Variants in DOCK2 observed in about 807,000 individuals in gnomAD.
DOCK2 encodes the protein dedicator of cytokinesis 2.
Under a neutral mutation model 248.9 loss-of-function variants are expected in DOCK2, and 87 were observed. The ratio of observed to expected loss-of-function variants is 0.35; its 90% CI spans 0.29 to 0.42. The LOEUF (loss-of-function observed/expected upper bound fraction) is 0.42. Ranked by LOEUF, DOCK2 falls within the 10% of genes least tolerant of loss-of-function variation. The pLI, the probability that DOCK2 is intolerant of heterozygous loss-of-function variation, is 1.00. For synonymous variants in DOCK2, 805 were observed against 821.6 expected (o/e 0.98, Z 0.35); for missense variants, 1,747 against 2,300.2 (o/e 0.76, Z 4.92).
At chr5:170,057,806 G>GGCA in intron 44 of DOCK2, 140 bp downstream of exon 44, 1 of 722,522 alleles carries the variant, frequency 1.4e-6, no homozygotes, top group Non-Finnish European at 2.2e-6. Context: ...TTCCCATGCA[G>GGCA]GCAGCATTCA....
intron 26 of DOCK2, among the ~76,000 whole-genome samples, chr5:169,823,248 G>C (rs941517538): frequency 2.6e-5 from 4 of 152,158 alleles, no homozygotes; most frequent in African/African-American, 9.7e-5. Context: ...GAAAAAGAGA[G>C]AATCCTCCCT....
chr5:169,867,397 G>A (rs1389187300), intron 27 of DOCK2, among the ~76,000 whole-genome samples: 1 of 150,660 alleles, frequency 6.6e-6, no homozygotes, highest in Non-Finnish European at 1.5e-5. Context: ...GGAACCATGG[G>A]TGAAAACCTC....
intron 27 of DOCK2, among the ~76,000 whole-genome samples, chr5:169,908,380 T>C (rs1774407075): frequency 6.6e-6 from 1 of 152,162 alleles, no homozygotes; most frequent in African/African-American, 2.4e-5. Context: ...GGCATACTCA[T>C]ACATGCTCTA....
Position 169,918,934 on chromosome 5 carries a change from G to T in DOCK2, c.2800-64134G>T, listed in dbSNP as rs138245312. ...CAAAAAAATACAAACTAATTTAAAAGATATTTTAGGGGCCAGATATATGAG... is the reference window on the plus strand; with the variant it reads ...CAAAAAAATACAAACTAATTTAAAATATATTTTAGGGGCCAGATATATGAG... On this transcript the variant is annotated intron_variant, in intron 27 of 51. Transcript: ENST00000520908. 3.2e-3 allele frequency among the ~76,000 whole-genome samples: 494 copies of T among 152,152 alleles called. 3 individuals carry two copies. Among genetic ancestry groups the T allele is most frequent in the African/African-American group, 0.011 (470 of 41,498 alleles).
intron 27 of DOCK2, among the ~76,000 whole-genome samples, chr5:169,863,607 G>A (rs561362952): frequency 2.4e-4 from 36 of 152,318 alleles, no homozygotes; most frequent in African/African-American, 8.7e-4. Flanking sequence ...ACACCAACAA[G>A]TTTATACCCT....
At chr5:169,689,483 A>C (rs1266459418) in intron 9 of DOCK2, 150 bp downstream of exon 9, 1 of 776,386 alleles carries the variant, frequency 1.3e-6, no homozygotes, top group Non-Finnish European at 2.1e-6. Flanking sequence ...CTGACAAAGG[A>C]CATTGTGTGC....
At chr5:169,917,637 G>C (rs1050422546) in intron 27 of DOCK2, among the ~76,000 whole-genome samples, 5 of 152,162 alleles carry the variant, frequency 3.3e-5, no homozygotes, top group African/African-American at 1.2e-4. Context: ...CGAAACACTA[G>C]AAAGTCCCAA....
chr5:169,801,148 T>G lies in DOCK2; in HGVS notation c.2555-1910T>G, dbSNP rs1766957011. Among the ~76,000 whole-genome samples the G allele has an allele frequency of 1.5e-3, 7 of 4,532 alleles. 1 individual carries two copies. Among genetic ancestry groups the G allele is most frequent in the Non-Finnish European group, 1.7e-3 (4 of 2,288 alleles). The allele number at this position is 4,532 out of a possible 152,430, so 3.0% of individuals were successfully genotyped here. On this transcript the variant is annotated intron_variant, in intron 25 of 51. Transcript: ENST00000520908. ...CCACCATGCCCAGATAGTTTTGGGT[T>G]TTTTTTTTTTTTTTTTTTTTTTTTT... is the stretch of plus-strand genomic sequence containing the variant.
intron 30 of DOCK2, among the ~76,000 whole-genome samples, chr5:170,002,915 A>G (rs1754889598): frequency 6.6e-6 from 1 of 152,206 alleles, no homozygotes; most frequent in Non-Finnish European, 1.5e-5. Flanking sequence ...ATCACCAGAC[A>G]GTTTCTAGCA....
At position 170,042,125 on chromosome 5, in the gene DOCK2, A is replaced by G. The variant is rs764278559; in HGVS notation, c.3869A>G (p.Lys1290Arg). 4 of 1,610,930 alleles carry G rather than the reference A, an allele frequency of 2.5e-6. No individual in the cohort carries two copies. Among genetic ancestry groups the G allele is most frequent in the Non-Finnish European group, 3.4e-6 (4 of 1,178,254 alleles). The change falls in exon 38 of 52, where the codon AAA becomes AGA. Residue 1290 changes from lysine to arginine, a missense_variant. Physicochemically the swap from Lys to Arg is conservative, Grantham distance 26. Coordinates refer to ENST00000520908, the MANE Select transcript of DOCK2 (RefSeq NM_004946.3). Reference sequence around the variant, plus strand: ...GAGACCATCATAGGCTACTTTGACAAAGGAAAGGTAATCTGTCCCTGCCCA... The same window carrying G: ...GAGACCATCATAGGCTACTTTGACAGAGGAAAGGTAATCTGTCCCTGCCCA... ...LYETIIGYFD[K>R]GKMWEEAISL...
chr5:170,060,132 A>G (rs559465368), intron 44 of DOCK2, among the ~76,000 whole-genome samples: 1 of 152,344 alleles, frequency 6.6e-6, no homozygotes, highest in East Asian at 1.9e-4. Context: ...TTCAAGTATA[A>G]GTTCTGCCTA....
chr5:169,832,318 C>T (rs1289347834), intron 26 of DOCK2, among the ~76,000 whole-genome samples: 1 of 152,222 alleles, frequency 6.6e-6, no homozygotes, highest in Non-Finnish European at 1.5e-5. Flanking sequence ...CAACCCTTGT[C>T]TTCTAGTGAA....
intron 30 of DOCK2, among the ~76,000 whole-genome samples, chr5:169,998,406 C>A (rs893620313): frequency 6.6e-6 from 1 of 152,196 alleles, no homozygotes. Flanking sequence ...GATCTTTGAA[C>A]AAGAGTCTCT....
At chr5:170,066,635 C>T (rs745860604) in intron 44 of DOCK2, among the ~76,000 whole-genome samples, 2 of 152,164 alleles carry the variant, frequency 1.3e-5, no homozygotes, top group African/African-American at 2.4e-5. Flanking sequence ...CAGTATAGAT[C>T]GTGTGTTAGA....
chr5:169,700,565 C>T (rs1760908155), intron 13 of DOCK2, among the ~76,000 whole-genome samples: 1 of 150,926 alleles, frequency 6.6e-6, no homozygotes, highest in Non-Finnish European at 1.5e-5. Flanking sequence ...AATTTGTGTT[C>T]ATTGTAAAAT....
At chr5:169,783,187 C>A (rs150514422) in intron 25 of DOCK2, among the ~76,000 whole-genome samples, 40 of 152,244 alleles carry the variant, frequency 2.6e-4, no homozygotes, top group African/African-American at 9.4e-4. Flanking sequence ...TTAAAATGAA[C>A]AAGAAACACC....
rs140104275 is a variant in DOCK2, at chr5:170,069,288, C to T, written c.4728+68C>T. Reference sequence around the variant, plus strand: ...CTCCCCCCACCGTGGTTCACTTGCCCCACGCTAGGCTCTAGCTGAGGCAGC... The same window carrying T: ...CTCCCCCCACCGTGGTTCACTTGCCTCACGCTAGGCTCTAGCTGAGGCAGC... On this transcript the variant is annotated intron_variant, in intron 46 of 51. Coordinates refer to ENST00000520908, the MANE Select transcript of DOCK2 (RefSeq NM_004946.3). The T allele has an allele frequency of 1.1e-3, 1,719 of 1,525,380 alleles. 20 individuals carry two copies. In the African/African-American group the frequency reaches 0.021, roughly 19 times the overall value. The allele number at this position is 1,525,380 out of a possible 1,614,324, so 94.5% of individuals were successfully genotyped here.
intron 26 of DOCK2, among the ~76,000 whole-genome samples, chr5:169,816,008 A>G (rs951798541): frequency 2.0e-5 from 3 of 152,228 alleles, no homozygotes; most frequent in African/African-American, 7.2e-5. Context: ...GGTTTCCAAA[A>G]AGCATTTCTT....
rs562167660 is a variant in DOCK2 at position 169,966,261 on chromosome 5, G to A, written c.2800-16807G>A. 3.3e-4 allele frequency among the ~76,000 whole-genome samples: 50 copies of A among 152,094 alleles called. No homozygotes were observed. The South Asian group carries it at 6.2e-3, about 19-fold the overall frequency. On this transcript the variant is annotated intron_variant, in intron 27 of 51. Transcript: ENST00000520908. ...GTTGCTTCATAACAAAGATAAAATG[G>A]GCTGCAAATGTGTACAGTAAGATTA...
Sources: allele counts gnomAD v4.1 joint callset (sites outside exome capture counted in the v4.1 genomes callset), GRCh38; gene constraint gnomAD v4.1.1; transcripts MANE v1.5; gene names NCBI Gene and HGNC (gene_info 2026-07-23, HGNC 2026-07-21).